The following SEMA3A variants were observed in gnomAD, a reference collection of about 807,000 sequenced individuals.
SEMA3A encodes semaphorin 3A.
In SEMA3A, 29 loss-of-function variants were observed where a neutral mutation model predicts 97.9. The ratio of observed to expected loss-of-function variants is 0.30; its 90% CI spans 0.22 to 0.40. SEMA3A has a LOEUF of 0.40. Among genes scored for constraint, SEMA3A ranks in the 10% least tolerant of loss-of-function variants. The pLI, the probability that SEMA3A is intolerant of heterozygous loss-of-function variation, is 1.00. For missense variants in SEMA3A, 763 were observed against 951.3 expected (o/e 0.80, Z 2.60); for synonymous variants, 321 against 323.7 (o/e 0.99, Z 0.09).
chr7:83,957,060 A>AT lies in SEMA3A; in HGVS notation c.*4310dup, dbSNP rs990120862. The AT allele has an allele frequency of 3.3e-5, 5 of 152,220 alleles. No homozygotes were observed. Among genetic ancestry groups the AT allele is most frequent in the African/African-American group, 1.2e-4 (5 of 41,430 alleles). The allele number at this position is 152,220 out of a possible 1,614,324, so 9.4% of individuals were successfully genotyped here. A position where few individuals can be genotyped will look rare whatever the true frequency, so the allele number is the denominator to read the frequency against. On this transcript the variant is annotated 3_prime_UTR_variant, in exon 17 of 17. Transcript: ENST00000265362. Reference sequence around the variant, plus strand: ...TGCTAGACACTGGGGACAGAGATCAATTAGATACAAATCCTGCCCTCAAGG... The same window carrying AT: ...TGCTAGACACTGGGGACAGAGATCAATTTAGATACAAATCCTGCCCTCAAGG...
intron 1 of SEMA3A, among the ~76,000 whole-genome samples, chr7:84,375,408 A>G (rs1319595884): frequency 6.6e-6 from 1 of 152,160 alleles, no homozygotes; most frequent in African/African-American, 2.4e-5. Context: ...TGTCTTTCTA[A>G]TAACCCTATG....
At chr7:84,094,681 TA>T (rs909248181) in intron 4 of SEMA3A, among the ~76,000 whole-genome samples, 2 of 151,636 alleles carry the variant, frequency 1.3e-5, no homozygotes, top group African/African-American at 2.4e-5. Context: ...GATTCTAAAA[TA>T]AAAAAAACCC....
chr7:84,406,953 G>A (rs1029796656), intron 1 of SEMA3A, among the ~76,000 whole-genome samples: 3 of 152,140 alleles, frequency 2.0e-5, no homozygotes, highest in African/African-American at 7.2e-5. Context: ...CATACTGAAT[G>A]GACAAAAACT....
chr7:83,993,418 G>T (rs928563418), intron 12 of SEMA3A, among the ~76,000 whole-genome samples: 2 of 151,630 alleles, frequency 1.3e-5, no homozygotes, highest in African/African-American at 2.4e-5. Flanking sequence ...TCTTGATGGT[G>T]TTTACATTTT....
intron 12 of SEMA3A, among the ~76,000 whole-genome samples, chr7:83,995,887 A>C (rs146688270): frequency 1.1e-4 from 16 of 152,352 alleles, no homozygotes; most frequent in African/African-American, 2.9e-4. Context: ...GAATGAGTTT[A>C]TAGACTAGGT....
At chr7:84,263,759 C>T (rs181082851) in intron 3 of SEMA3A, among the ~76,000 whole-genome samples, 22 of 152,178 alleles carry the variant, frequency 1.4e-4, no homozygotes, top group East Asian at 1.2e-3. Flanking sequence ...TGTTCTATAT[C>T]GTTACAGTGC....
intron 1 of SEMA3A, among the ~76,000 whole-genome samples, chr7:84,436,102 T>C (rs1360452794): frequency 1.3e-5 from 2 of 152,116 alleles, no homozygotes; most frequent in African/African-American, 4.8e-5. Flanking sequence ...ATTCAATAAA[T>C]GGTGTTGGGA....
At chr7:84,210,295 C>T (rs938354064) in intron 3 of SEMA3A, among the ~76,000 whole-genome samples, 2 of 152,010 alleles carry the variant, frequency 1.3e-5, no homozygotes, top group African/African-American at 4.8e-5. Flanking sequence ...AGATGATAGG[C>T]GCTGAGCCCA....
At chr7:84,060,599 A>G (rs746905490) in intron 4 of SEMA3A, 41 bp from the exon 5 acceptor site, 1 of 1,332,286 alleles carries the variant, frequency 7.5e-7, no homozygotes, top group Non-Finnish European at 1.0e-6. Flanking sequence ...TTTCCTTTAT[A>G]TATAAAAATG....
At position 84,075,458 on chromosome 7, in the gene SEMA3A, C is replaced by CTT. The variant is rs35489504; in HGVS notation, c.454-14902_454-14901dup. On this transcript the variant is annotated intron_variant, in intron 4 of 16. Coordinates refer to ENST00000265362, the MANE Select transcript of SEMA3A (RefSeq NM_006080.3). ...ACAGGCATAAGCCACTGCACCTGGT[C>CTT]TTTTTTTTTTTTTTTTTTGAGACAG... 2.3e-3 allele frequency among the ~76,000 whole-genome samples: 279 copies of CTT among 119,286 alleles called. 6 individuals carry two copies. Among genetic ancestry groups the CTT allele is most frequent in the South Asian group, 7.7e-3 (27 of 3,524 alleles). 78.3% of individuals were successfully genotyped at this position (119,286 alleles called of 152,430 possible).
chr7:84,307,703 C>G (rs1801195348), intron 2 of SEMA3A, among the ~76,000 whole-genome samples: 1 of 152,142 alleles, frequency 6.6e-6, no homozygotes. Context: ...GACAACCCAG[C>G]TAAGCAGTAA....
chr7:84,002,076 A>G, intron 11 of SEMA3A, 30 bp from the exon 12 acceptor site: 8 of 1,269,768 alleles, frequency 6.3e-6, no homozygotes, highest in Non-Finnish European at 9.2e-6. Flanking sequence ...GAAGACCACA[A>G]GTTAAGTAGA....
At chr7:84,311,589 G>T (rs1214948251) in intron 2 of SEMA3A, among the ~76,000 whole-genome samples, 2 of 151,834 alleles carry the variant, frequency 1.3e-5, no homozygotes, top group Non-Finnish European at 2.9e-5. Flanking sequence ...CACCCTTCAG[G>T]GGTTGATATA....
chr7:84,138,983 A>G (rs544343263), intron 1 of SEMA3A, among the ~76,000 whole-genome samples: 1 of 152,192 alleles, frequency 6.6e-6, no homozygotes, highest in South Asian at 2.1e-4. Context: ...AGTTAAATGC[A>G]TGACTTTGAT....
chr7:84,342,791 T>C (rs1254125815), intron 2 of SEMA3A, among the ~76,000 whole-genome samples: 1 of 152,052 alleles, frequency 6.6e-6, no homozygotes, highest in Non-Finnish European at 1.5e-5. Context: ...CTGTAGACAG[T>C]GGGTAAGGAA....
chr7:84,075,340 A>ACT (rs1793906212), intron 4 of SEMA3A, among the ~76,000 whole-genome samples: 2 of 146,274 alleles, frequency 1.4e-5, no homozygotes, highest in Non-Finnish European at 3.0e-5. Context: ...TGCCAGGCTG[A>ACT]TTTTTTGTGT....
At chr7:84,473,747 C>T (rs1025102234) in intron 1 of SEMA3A, among the ~76,000 whole-genome samples, 1 of 152,048 alleles carries the variant, frequency 6.6e-6, no homozygotes, top group African/African-American at 2.4e-5. Context: ...TCAGACTGCA[C>T]AGAAACTAAC....
intron 1 of SEMA3A, among the ~76,000 whole-genome samples, chr7:84,153,940 C>T (rs1043235103): frequency 5.9e-5 from 9 of 151,910 alleles, no homozygotes; most frequent in South Asian, 4.1e-4. Flanking sequence ...TTTATGGAGA[C>T]GTTCCATAAA....
intron 2 of SEMA3A, among the ~76,000 whole-genome samples, chr7:84,343,958 T>C (rs1324780973): frequency 6.6e-6 from 1 of 151,840 alleles, no homozygotes; most frequent in South Asian, 2.1e-4. Flanking sequence ...CAGTGAGCTA[T>C]TATCACACCA....
Sources: allele counts gnomAD v4.1 joint callset (sites outside exome capture counted in the v4.1 genomes callset), GRCh38; gene constraint gnomAD v4.1.1; transcripts MANE v1.5; gene names NCBI Gene and HGNC (gene_info 2026-07-23, HGNC 2026-07-21).